Variants in TUBGCP5 observed in about 807,000 individuals in gnomAD.
TUBGCP5 encodes the protein tubulin gamma complex component 5, also known as gamma-tubulin complex component 5.
A neutral mutation model predicts 134.7 loss-of-function variants in TUBGCP5; 98 were observed. The observed-to-expected ratio is 0.73, with a 90% CI of 0.62 to 0.86. The LOEUF (loss-of-function observed/expected upper bound fraction) is 0.86, where lower values mean the gene tolerates loss of function less well. Among genes scored for constraint, TUBGCP5 ranks in the 40% least tolerant of loss-of-function variants. TUBGCP5 has a pLI of 0.00. For missense variants in TUBGCP5, 1,150 were observed against 1,244.8 expected (o/e 0.92, Z 1.15); for synonymous variants, 456 against 431.4 (o/e 1.06, Z -0.71).
intron 14 of TUBGCP5, among the ~76,000 whole-genome samples, chr15:23,010,562 C>T (rs544067272): frequency 8.5e-4 from 130 of 152,182 alleles, no homozygotes; most frequent in Non-Finnish European, 1.4e-3. Flanking sequence ...TCCAGGGGCC[C>T]GAGGGCACAG....
At chr15:23,027,123 T>C in intron 7 of TUBGCP5, 69 bp downstream of exon 7, 1 of 1,207,258 alleles carries the variant, frequency 8.3e-7, no homozygotes, top group African/African-American at 1.5e-5. Flanking sequence ...AAGTCACAAA[T>C]CAAAGCCAAA....
At position 23,037,025 on chromosome 15, in the gene TUBGCP5, T is replaced by C; in HGVS notation, c.201-20A>G. On this transcript the variant is annotated intron_variant, in intron 2 of 22. Transcript: ENST00000615383. Reference sequence around the variant, plus strand: ...TAAATTCTAAAATATAAGAAAAGATTATAAAGCTATCTTAAAAAGATCTAT... The same window carrying C: ...TAAATTCTAAAATATAAGAAAAGATCATAAAGCTATCTTAAAAAGATCTAT... 3 of 1,595,060 alleles carry C rather than the reference T, an allele frequency of 1.9e-6. No individual in the cohort carries two copies. The South Asian group carries it at 3.4e-5, about 18-fold the overall frequency.
intron 23 of TUBGCP5, among the ~76,000 whole-genome samples, chr15:22,989,360 T>C (rs926781240): frequency 5.9e-5 from 9 of 152,154 alleles, no homozygotes; most frequent in Non-Finnish European, 1.2e-4. Flanking sequence ...TCAACTGATA[T>C]GAAATTTAAT....
rs566496449 is a variant in TUBGCP5 at position 22,989,814 on chromosome 15, T to C, written c.*62-6203A>G. Among the ~76,000 whole-genome samples, 14 of 152,332 alleles carry C rather than the reference T, an allele frequency of 9.2e-5. 1 individual carries two copies. Among genetic ancestry groups the C allele is most frequent in the African/African-American group, 3.4e-4 (14 of 41,582 alleles). Reference sequence around the variant, plus strand: ...AGCTGGAGTGGGCACCTGACCCAAGTTGACTCGCTGTGGGAACCTTGGTTG... The same window carrying C: ...AGCTGGAGTGGGCACCTGACCCAAGCTGACTCGCTGTGGGAACCTTGGTTG... On this transcript the variant is annotated intron_variant and NMD_transcript_variant, in intron 23 of 23. Transcript: ENST00000614508.
chr15:23,019,433 G>C (rs932332409), intron 11 of TUBGCP5, 99 bp from the exon 12 acceptor site: 1 of 745,146 alleles, frequency 1.3e-6, no homozygotes, highest in Admixed American at 2.4e-5. Context: ...AAAAGTGATC[G>C]GATTTCTATG....
chr15:23,008,593 C>T (rs1339625869), intron 16 of TUBGCP5, 106 bp downstream of exon 16: 1 of 1,349,028 alleles, frequency 7.4e-7, no homozygotes, highest in Non-Finnish European at 1.1e-6. Context: ...ATTAGTAAAA[C>T]TCATAGGAAT....
chr15:23,011,040 G>C, intron 14 of TUBGCP5, 93 bp downstream of exon 14: 1 of 1,288,886 alleles, frequency 7.8e-7, no homozygotes, highest in Non-Finnish European at 1.1e-6. Flanking sequence ...AAGAGTTTTT[G>C]TTTTTAGCCC....
chr15:23,031,385 C>T (rs151007774), intron 5 of TUBGCP5, among the ~76,000 whole-genome samples: 1,624 of 151,916 alleles, frequency 0.011, 21 homozygotes, highest in Non-Finnish European at 0.019. Context: ...AGCACGATCT[C>T]AGCTCATTGC....
chr15:23,008,540 G>C, intron 16 of TUBGCP5, 159 bp downstream of exon 16: 2 of 927,136 alleles, frequency 2.2e-6, no homozygotes, highest in Non-Finnish European at 1.7e-6. Flanking sequence ...TTACAGGTGT[G>C]AGCCACCGTG....
At chr15:23,007,059 C>T (rs2140439049) in intron 16 of TUBGCP5, among the ~76,000 whole-genome samples, 1 of 152,220 alleles carries the variant, frequency 6.6e-6, no homozygotes, top group East Asian at 1.9e-4. Flanking sequence ...TCAGAGATGT[C>T]ACAGGGCAGT....
chr15:23,008,796 C>A lies in TUBGCP5; in HGVS notation c.2230G>T (p.Asp744Tyr). 6.2e-7 allele frequency: 1 copy of A among 1,602,642 alleles called. No homozygotes were observed. Among genetic ancestry groups the A allele is most frequent in the Non-Finnish European group, 8.5e-7 (1 of 1,177,448 alleles). ...CATGTTTCCTTTTCTCTTATTTTAT[C>A]AAAAATTGACGTGTAGAAGTCATAC... ...TMYDFYTSIF[D>Y]KIREKETWQN... Residue 744 changes from aspartate to tyrosine, a missense_variant, in exon 16 of 23, where the codon GAT becomes TAT. Coordinates refer to ENST00000615383, the MANE Select transcript of TUBGCP5 (RefSeq NM_052903.6).
chr15:23,008,412 G>A (rs760678540), intron 16 of TUBGCP5: 10 of 376,010 alleles, frequency 2.7e-5, no homozygotes, highest in South Asian at 1.2e-4. Flanking sequence ...GATTACAGGC[G>A]CCTGCCACCA....
chr15:23,020,584 CAA>C (rs542905350), intron 11 of TUBGCP5, among the ~76,000 whole-genome samples: 12,554 of 77,152 alleles, frequency 0.16, 781 homozygotes, highest in East Asian at 0.53. Context: ...GACTACGTCT[CAA>C]AAAAAAAAAA....
intron 3 of TUBGCP5, among the ~76,000 whole-genome samples, chr15:23,033,708 T>C (rs932153774): frequency 3.9e-5 from 6 of 152,224 alleles, no homozygotes; most frequent in East Asian, 1.9e-4. Context: ...AATACAAATA[T>C]ACATACGCAT....
chr15:23,010,987 A>C lies in TUBGCP5; in HGVS notation c.1955+146T>G, dbSNP rs2065002040. 7.6e-6 allele frequency: 6 copies of C among 786,596 alleles called. No homozygotes were observed. The East Asian group carries it at 8.1e-5, about 11-fold the overall frequency. 48.7% of individuals were successfully genotyped at this position (786,596 alleles called of 1,614,324 possible). A position where few individuals can be genotyped will look rare whatever the true frequency, so the allele number is the denominator to read the frequency against. On this transcript the variant is annotated intron_variant, in intron 14 of 22. Coordinates refer to ENST00000615383, the MANE Select transcript of TUBGCP5 (RefSeq NM_052903.6). ...CAGACTGAGGCTCCATCTCAAACAA[A>C]CAAAAAAAAAAAAGGAAAAAGAAAA...
At chr15:23,032,692 T>C in intron 4 of TUBGCP5, 36 bp downstream of exon 4, 1 of 1,408,882 alleles carries the variant, frequency 7.1e-7, no homozygotes, top group African/African-American at 1.5e-5. Context: ...CAATTTCTCT[T>C]TTACTTCTCA....
At position 23,024,203 on chromosome 15, in the gene TUBGCP5, A is replaced by G. The variant is rs763361545; in HGVS notation, c.922-10T>C. On this transcript the variant is annotated splice_polypyrimidine_tract_variant and intron_variant, in intron 9 of 22. Coordinates refer to ENST00000615383, the MANE Select transcript of TUBGCP5 (RefSeq NM_052903.6). ...CAGATCGTAAACAGCTCTACAACAC[A>G]AGCAAACTGCAATTATTCAAAGGTG... 1.6e-5 allele frequency: 25 copies of G among 1,607,314 alleles called. 1 individual carries two copies. Among genetic ancestry groups the G allele is most frequent in the South Asian group, 1.6e-4 (14 of 90,230 alleles).
intron 21 of TUBGCP5, among the ~76,000 whole-genome samples, chr15:23,002,423 G>C (rs971237426): frequency 3.3e-5 from 5 of 152,170 alleles, no homozygotes; most frequent in Non-Finnish European, 7.4e-5. Flanking sequence ...AAACAGGACA[G>C]GTAACAAAAT....
At chr15:23,032,053 A>T in intron 4 of TUBGCP5, 24 bp from the exon 5 acceptor site, 5 of 1,567,082 alleles carry the variant, frequency 3.2e-6, no homozygotes, top group Non-Finnish European at 4.4e-6. Flanking sequence ...GAAGAACTTC[A>T]TTGGCTTTAT....
Sources: gnomAD v4.1 joint callset for allele counts (sites outside exome capture counted in the v4.1 genomes callset) on GRCh38, gnomAD v4.1.1 for gene constraint, MANE v1.5 for transcripts, NCBI Gene and HGNC (gene_info 2026-07-23, HGNC 2026-07-21) for gene names.